Variants in FBXL17 observed in about 807,000 individuals in gnomAD.
FBXL17 encodes the protein F-box/LRR-repeat protein 17.
In FBXL17, 22 loss-of-function variants were observed where a neutral mutation model predicts 66.2. The ratio of observed to expected loss-of-function variants is 0.33; its 90% CI spans 0.24 to 0.47. The LOEUF is 0.47. Among genes scored for constraint, FBXL17 ranks in the 20% least tolerant of loss-of-function variants. The pLI is 1.00. For synonymous variants in FBXL17, 474 were observed against 400.5 expected, an observed-to-expected ratio of 1.18 and a Z score of -2.19; for missense variants, 878 against 948.2, an observed-to-expected ratio of 0.93 and a Z score of 0.97.
Position 108,381,876 on chromosome 5 carries a change from A to T in FBXL17, c.-185T>A, listed in dbSNP as rs942897888. The T allele has an allele frequency of 7.7e-7, 1 of 1,293,144 alleles. No individual in the cohort carries two copies. Among genetic ancestry groups the T allele is most frequent in the Non-Finnish European group, 9.8e-7 (1 of 1,021,158 alleles). 80.1% of individuals were successfully genotyped at this position (1,293,144 alleles called of 1,614,324 possible). On this transcript the variant is annotated 5_prime_UTR_variant, in exon 1 of 9. Coordinates refer to ENST00000542267, the MANE Select transcript of FBXL17 (RefSeq NM_001163315.3). ...GTGGGCGTCAGCTGCGGGCCGCCGG[A>T]GTGCCCGACGGGGGCTACATGCTTT... is the stretch of plus-strand genomic sequence containing the variant.
chr5:108,078,224 A>G (rs1025408290), intron 6 of FBXL17, among the ~76,000 whole-genome samples: 1 of 152,184 alleles, frequency 6.6e-6, no homozygotes, highest in African/African-American at 2.4e-5. Context: ...GCTCAGGAGT[A>G]AGAGACTGAT....
intron 6 of FBXL17, among the ~76,000 whole-genome samples, chr5:108,140,431 C>A (rs1751306788): frequency 1.3e-5 from 2 of 152,188 alleles, no homozygotes; most frequent in African/African-American, 4.8e-5. Flanking sequence ...TAGTCCTTAA[C>A]CTTCACAACT....
chr5:107,893,310 T>A (rs754674955), intron 7 of FBXL17, among the ~76,000 whole-genome samples: 1 of 152,136 alleles, frequency 6.6e-6, no homozygotes, highest in Non-Finnish European at 1.5e-5. Flanking sequence ...AAAAGCACAC[T>A]GCTCACATGT....
intron 6 of FBXL17, among the ~76,000 whole-genome samples, chr5:108,050,213 G>A (rs1747417647): frequency 6.6e-6 from 1 of 152,182 alleles, no homozygotes; most frequent in Admixed American, 6.5e-5. Context: ...TTCGGGACTT[G>A]AACTTAGCTC....
chr5:108,108,142 G>A (rs912082125), intron 6 of FBXL17, among the ~76,000 whole-genome samples: 1 of 152,138 alleles, frequency 6.6e-6, no homozygotes, highest in Admixed American at 6.6e-5. Context: ...CTCCTTCAGT[G>A]ATAGCTCCTC....
intron 4 of FBXL17, chr5:108,298,461 A>C: frequency 6.2e-6 from 6 of 971,302 alleles, no homozygotes; most frequent in Non-Finnish European, 7.3e-6. Context: ...GTAGGCTTTA[A>C]ATTTTACTGA....
At chr5:108,348,370 A>G in intron 4 of FBXL17, 29 bp downstream of exon 4, 1 of 1,515,384 alleles carries the variant, frequency 6.6e-7, no homozygotes, top group Non-Finnish European at 8.9e-7. Flanking sequence ...AACAAAATGA[A>G]CAATACAAGG....
chr5:108,177,826 A>G (rs1752847491), intron 6 of FBXL17, among the ~76,000 whole-genome samples: 1 of 151,304 alleles, frequency 6.6e-6, no homozygotes, highest in African/African-American at 2.4e-5. Context: ...CAATGTGTAT[A>G]AACAGAACAG....
rs570103946 is a variant in FBXL17 at position 107,956,995 on chromosome 5, G to A, written c.1822+63930C>T. Among the ~76,000 whole-genome samples the A allele has an allele frequency of 1.1e-4, 17 of 152,204 alleles. No individual in the cohort carries two copies. The East Asian group carries it at 3.1e-3, about 28-fold the overall frequency. ...AGATGGCAGCAAGTGAATTAGCATC[G>A]ATTTCACATTTAAAATTAGGATGTA... On this transcript the variant is annotated intron_variant, in intron 7 of 8. Transcript: ENST00000542267.
intron 6 of FBXL17, among the ~76,000 whole-genome samples, chr5:108,068,466 G>C (rs1199706354): frequency 2.7e-5 from 4 of 148,458 alleles, no homozygotes; most frequent in South Asian, 2.1e-4. Context: ...TTTGGGGGGG[G>C]GGCGGGGGGA....
At chr5:108,379,280 G>T (rs754827922) in intron 1 of FBXL17, among the ~76,000 whole-genome samples, 8 of 152,060 alleles carry the variant, frequency 5.3e-5, no homozygotes, top group Non-Finnish European at 7.4e-5. Flanking sequence ...CAGCAATCAA[G>T]TTTCTATACC....
At chr5:107,946,255 TTATATATATATATATATATA>T (rs55643516) in intron 7 of FBXL17, among the ~76,000 whole-genome samples, 2,508 of 40,384 alleles carry the variant, frequency 0.062, 93 homozygotes, top group Admixed American at 0.1. Context: ...CAATCTCATT[TTATATATATATATATATATA>T]TATATATATA....
chr5:108,012,636 G>C (rs975331042), intron 7 of FBXL17, among the ~76,000 whole-genome samples: 2 of 152,146 alleles, frequency 1.3e-5, no homozygotes, highest in Non-Finnish European at 2.9e-5. Context: ...ACTTAATACT[G>C]AATGCATACT....
At chr5:108,126,143 G>A (rs552150699) in intron 6 of FBXL17, among the ~76,000 whole-genome samples, 4 of 152,126 alleles carry the variant, frequency 2.6e-5, no homozygotes, top group African/African-American at 9.6e-5. Flanking sequence ...ATAGTCCTAA[G>A]GTGCCCTGCT....
chr5:107,889,564 G>A (rs1749124077), intron 7 of FBXL17, among the ~76,000 whole-genome samples: 1 of 152,174 alleles, frequency 6.6e-6, no homozygotes, highest in African/African-American at 2.4e-5. Flanking sequence ...GCAACACGTA[G>A]GTATTGTCTG....
chr5:108,344,848 T>C (rs1747158354), intron 4 of FBXL17, among the ~76,000 whole-genome samples: 1 of 152,174 alleles, frequency 6.6e-6, no homozygotes, highest in African/African-American at 2.4e-5. Context: ...AAAAGTGATA[T>C]AAAACCTATC....
intron 7 of FBXL17, among the ~76,000 whole-genome samples, chr5:107,910,951 A>G (rs1213748647): frequency 6.6e-6 from 1 of 152,158 alleles, no homozygotes; most frequent in African/African-American, 2.4e-5. Context: ...CTAATGCTAT[A>G]AATACGTCCT....
intron 4 of FBXL17, among the ~76,000 whole-genome samples, chr5:108,304,686 T>C (rs1379146049): frequency 1.3e-5 from 2 of 151,934 alleles, no homozygotes; most frequent in Non-Finnish European, 2.9e-5. Flanking sequence ...CTTACAATTA[T>C]CAATACAAGA....
At chr5:107,938,021 CAT>C (rs933033429) in intron 7 of FBXL17, among the ~76,000 whole-genome samples, 4 of 152,138 alleles carry the variant, frequency 2.6e-5, no homozygotes, top group African/African-American at 9.7e-5. Context: ...ATCAGCATCA[CAT>C]GTGAGTAATA....
Sources: gnomAD v4.1 joint callset for allele counts (sites outside exome capture counted in the v4.1 genomes callset) on GRCh38, gnomAD v4.1.1 for gene constraint, MANE v1.5 for transcripts, NCBI Gene and HGNC (gene_info 2026-07-23, HGNC 2026-07-21) for gene names.